The following DCDC1 variants were observed in gnomAD, a reference collection of about 807,000 sequenced individuals.
The protein encoded by DCDC1 is doublecortin domain-containing protein 1.
DCDC1 carries 200 observed loss-of-function variants against 178.3 expected under a neutral mutation model. The ratio of observed to expected loss-of-function variants is 1.12; its 90% CI spans 1.00 to 1.26. The LOEUF is 1.26. DCDC1 is among the 50% of genes most tolerant of loss of function. The probability of loss-of-function intolerance (pLI) is 0.00; values close to 1 mark genes in which losing one functional copy is unlikely to be tolerated. For synonymous variants in DCDC1, 690 were observed against 604.8 expected (o/e 1.14, Z -2.07); for missense variants, 1,983 against 1,749.2 (o/e 1.13, Z -2.38).
intron 20 of DCDC1, among the ~76,000 whole-genome samples, chr11:30,981,172 C>A (rs1950376345): frequency 1.3e-5 from 2 of 151,980 alleles, no homozygotes; most frequent in African/African-American, 4.8e-5. Context: ...AAAGAATAGA[C>A]ACTGGGGACT....
chr11:31,065,075 G>A lies in DCDC1; in HGVS notation c.2377C>T (p.His793Tyr), dbSNP rs574340808. 1.7e-5 allele frequency: 13 copies of A among 765,384 alleles called. No homozygotes were observed. The African/African-American group carries it at 1.9e-4, about 11-fold the overall frequency. The allele number at this position is 765,384 out of a possible 1,614,324, so 47.4% of individuals were successfully genotyped here. Reference protein sequence around the residue: ...VDVTQTEYHIHHGAWTTAHQE... With the variant: ...VDVTQTEYHIYHGAWTTAHQE... ...TGAGCTGTGGTCCAGGCACCATGGT[G>A]AATGTGATACTCTGTCTGGGTCACA... Residue 793 changes from histidine (H) to tyrosine (Y), a missense_variant, in exon 19 of 39, where the codon CAC (histidine) becomes TAC (tyrosine). His to Tyr is a moderately conservative substitution (Grantham distance 83). Coordinates refer to ENST00000684477, the MANE Select transcript of DCDC1 (RefSeq NM_001387274.1).
chr11:31,018,362 G>A (rs562105233), intron 20 of DCDC1, among the ~76,000 whole-genome samples: 13 of 152,160 alleles, frequency 8.5e-5, no homozygotes, highest in East Asian at 3.9e-4. Context: ...GTTTGACATC[G>A]AGAGGAAGGT....
At position 30,932,062 on chromosome 11, in the gene DCDC1, C is replaced by T. The variant is rs1469198645; in HGVS notation, c.2716-110G>A. On this transcript the variant is annotated intron_variant, in intron 21 of 38. Coordinates refer to ENST00000684477, the MANE Select transcript of DCDC1 (RefSeq NM_001387274.1). ...TACCTTTAATCTCTCATTCATTCAACAAAAATGTATTGGGGTACCTAAGAT... is the reference window on the plus strand; with the variant it reads ...TACCTTTAATCTCTCATTCATTCAATAAAAATGTATTGGGGTACCTAAGAT... The T allele has an allele frequency of 5.1e-6, 5 of 975,328 alleles. No individual in the cohort carries two copies. The African/African-American group carries it at 8.4e-5, about 16-fold the overall frequency. 60.4% of individuals were successfully genotyped at this position (975,328 alleles called of 1,614,324 possible). A position where few individuals can be genotyped will look rare whatever the true frequency, so the allele number is the denominator to read the frequency against.
chr11:31,173,827 C>A (rs1372164091), intron 9 of DCDC1, among the ~76,000 whole-genome samples: 5 of 151,894 alleles, frequency 3.3e-5, no homozygotes, highest in Admixed American at 3.3e-4. Flanking sequence ...GAAAATTTGG[C>A]CAGGTTTTCA....
intron 20 of DCDC1, among the ~76,000 whole-genome samples, chr11:30,967,319 A>G (rs957453714): frequency 1.6e-4 from 24 of 150,900 alleles, no homozygotes; most frequent in Middle Eastern, 3.2e-3. Context: ...GGTCCTTCAC[A>G]TCCCTTGTAA....
intron 15 of DCDC1, 102 bp downstream of exon 15, chr11:31,102,075 T>C: frequency 2.1e-6 from 1 of 474,352 alleles, no homozygotes; most frequent in Non-Finnish European, 3.8e-6. Context: ...AGACTCCATC[T>C]CAGAAAAAAA....
chr11:31,261,496 TAAC>T (rs1565512107), intron 8 of DCDC1, among the ~76,000 whole-genome samples: 1 of 152,070 alleles, frequency 6.6e-6, no homozygotes, highest in Non-Finnish European at 1.5e-5. Context: ...AAAATAATAA[TAAC>T]AATACAGAAA....
chr11:31,088,980 A>C (rs1957638639), intron 17 of DCDC1, among the ~76,000 whole-genome samples: 1 of 152,174 alleles, frequency 6.6e-6, no homozygotes, highest in Non-Finnish European at 1.5e-5. Flanking sequence ...AATTACGGGC[A>C]TGAGCCACCA....
At chr11:31,331,407 T>C (rs1949980469) in intron 2 of DCDC1, among the ~76,000 whole-genome samples, 1 of 152,202 alleles carries the variant, frequency 6.6e-6, no homozygotes, top group Non-Finnish European at 1.5e-5. Context: ...GGCCAGACTT[T>C]CCAACACTTT....
At chr11:31,047,585 T>G (rs1472215080) in intron 20 of DCDC1, among the ~76,000 whole-genome samples, 1 of 152,194 alleles carries the variant, frequency 6.6e-6, no homozygotes, top group Non-Finnish European at 1.5e-5. Flanking sequence ...ATCCTCCAAC[T>G]TGGCAATAGA....
chr11:31,096,550 T>C (rs1190400694), intron 15 of DCDC1, among the ~76,000 whole-genome samples: 1 of 152,132 alleles, frequency 6.6e-6, no homozygotes, highest in Admixed American at 6.6e-5. Flanking sequence ...TGGTGAAGAG[T>C]GAAGGGGTCC....
chr11:31,272,813 GATGC>G (rs1029326797), intron 7 of DCDC1, among the ~76,000 whole-genome samples: 3 of 152,248 alleles, frequency 2.0e-5, no homozygotes, highest in African/African-American at 7.2e-5. Context: ...AGCATTTCCA[GATGC>G]ATGGTGCAAG....
Position 30,864,118 on chromosome 11 carries a change from C to G in DCDC1, c.*1255G>C, listed in dbSNP as rs1206221303. On this transcript the variant is annotated 3_prime_UTR_variant, in exon 39 of 39. Coordinates refer to ENST00000684477, the MANE Select transcript of DCDC1 (RefSeq NM_001387274.1). ...CTCCAGACTGGGCAACAGAGTGAGA[C>G]TCCATCTCAAAAAAAAAAAATTGCA... 4.0e-5 allele frequency: 6 copies of G among 151,450 alleles called. No individual in the cohort carries two copies. Among genetic ancestry groups the G allele is most frequent in the Non-Finnish European group, 5.9e-5 (4 of 67,986 alleles). The allele number at this position is 151,450 out of a possible 1,614,324, so 9.4% of individuals were successfully genotyped here.
intron 9 of DCDC1, among the ~76,000 whole-genome samples, chr11:31,202,857 T>A (rs895687981): frequency 6.6e-6 from 1 of 151,866 alleles, no homozygotes; most frequent in African/African-American, 2.4e-5. Flanking sequence ...AACAAGAAAA[T>A]AAAACCCAGC....
At chr11:31,025,329 CACAA>C (rs1445511494) in intron 20 of DCDC1, among the ~76,000 whole-genome samples, 1 of 151,682 alleles carries the variant, frequency 6.6e-6, no homozygotes, top group Non-Finnish European at 1.5e-5. Flanking sequence ...CTCAAAAAGC[CACAA>C]ACATTCTAAA....
chr11:31,350,896 T>C (rs1305911978), intron 1 of DCDC1, among the ~76,000 whole-genome samples: 1 of 150,690 alleles, frequency 6.6e-6, no homozygotes, highest in African/African-American at 2.4e-5. Context: ...TGTTGCTAGA[T>C]GTTAAAAATC....
chr11:31,268,131 T>C (rs1462917811), intron 7 of DCDC1, among the ~76,000 whole-genome samples: 1 of 152,210 alleles, frequency 6.6e-6, no homozygotes, highest in Non-Finnish European at 1.5e-5. Flanking sequence ...AATTTCTTAA[T>C]ATTATGAAGT....
intron 34 of DCDC1, among the ~76,000 whole-genome samples, chr11:30,898,470 T>C (rs1944401472): frequency 1.3e-5 from 2 of 152,112 alleles, no homozygotes; most frequent in South Asian, 4.1e-4. Flanking sequence ...TTACTGAATA[T>C]TTGCTTGGGG....
rs11407483 is a variant in DCDC1 at position 31,310,308 on chromosome 11, A to ATTTTT, written c.165-2405_165-2401dup. On this transcript the variant is annotated intron_variant, in intron 3 of 38. Transcript: ENST00000684477. ...GAGGACAGGTTTTCAGTAATTCTTG[A>ATTTTT]TTTTTTTTTTTTTTTTTTTTTTTTT... 8.5e-4 allele frequency among the ~76,000 whole-genome samples: 46 copies of ATTTTT among 53,878 alleles called. 3 individuals carry two copies. The highest frequency in any genetic ancestry group is 3.3e-3 in the African/African-American group (39 of 11,728). 35.3% of individuals were successfully genotyped at this position (53,878 alleles called of 152,430 possible). A position where few individuals can be genotyped will look rare whatever the true frequency, so the allele number is the denominator to read the frequency against.
Sources: allele counts gnomAD v4.1 joint callset (sites outside exome capture counted in the v4.1 genomes callset), GRCh38; gene constraint gnomAD v4.1.1; transcripts MANE v1.5; gene names NCBI Gene and HGNC (gene_info 2026-07-23, HGNC 2026-07-21).